Variants in LRRTM3 observed in about 807,000 individuals in gnomAD.
The protein encoded by LRRTM3 is leucine-rich repeat transmembrane neuronal protein 3.
A neutral mutation model predicts 44.7 loss-of-function variants in LRRTM3; 24 were observed. The ratio of observed to expected loss-of-function variants is 0.54; its 90% CI spans 0.39 to 0.76. The LOEUF is 0.76. Among genes scored for constraint, LRRTM3 ranks in the 30% least tolerant of loss-of-function variants. LRRTM3 has a pLI of 0.00. For synonymous variants in LRRTM3, 277 were observed against 278.7 expected, an observed-to-expected ratio of 0.99 and a Z score of 0.06; for missense variants, 587 against 702.2, an observed-to-expected ratio of 0.84 and a Z score of 1.85.
chr10:67,076,567 T>G (rs1201096213), intron 2 of LRRTM3, among the ~76,000 whole-genome samples: 1 of 152,200 alleles, frequency 6.6e-6, no homozygotes, highest in Non-Finnish European at 1.5e-5. Context: ...AGCCTGACTT[T>G]TAAAATCTAA....
At chr10:66,937,553 C>T (rs748991685) in intron 2 of LRRTM3, among the ~76,000 whole-genome samples, 2 of 151,982 alleles carry the variant, frequency 1.3e-5, no homozygotes, top group Admixed American at 6.6e-5. Flanking sequence ...GTGGACTTTC[C>T]GGAAATAGAA....
intron 2 of LRRTM3, among the ~76,000 whole-genome samples, chr10:66,960,912 T>C (rs1169669896): frequency 6.6e-6 from 1 of 152,098 alleles, no homozygotes. Flanking sequence ...ATGGGAATGG[T>C]TCTTAAGTTT....
intron 2 of LRRTM3, among the ~76,000 whole-genome samples, chr10:66,969,581 A>G (rs1443819903): frequency 6.6e-6 from 1 of 152,066 alleles, no homozygotes; most frequent in Middle Eastern, 3.2e-3. Context: ...CCATAACACC[A>G]CACTGTTTTC....
At chr10:66,993,633 A>G (rs1470614717) in intron 2 of LRRTM3, among the ~76,000 whole-genome samples, 1 of 151,826 alleles carries the variant, frequency 6.6e-6, no homozygotes, top group Non-Finnish European at 1.5e-5. Context: ...CTTTCAGATA[A>G]CATTCTTCAA....
intron 2 of LRRTM3, among the ~76,000 whole-genome samples, chr10:67,016,096 A>G (rs1453752530): frequency 1.3e-5 from 2 of 152,070 alleles, no homozygotes; most frequent in Non-Finnish European, 2.9e-5. Context: ...GTTGTGATAT[A>G]CACTTGTGTC....
At chr10:67,008,188 T>G (rs967465442) in intron 2 of LRRTM3, among the ~76,000 whole-genome samples, 2 of 152,086 alleles carry the variant, frequency 1.3e-5, no homozygotes, top group East Asian at 3.9e-4. Context: ...AACTTATGCT[T>G]TAAAAAGTTG....
intron 2 of LRRTM3, among the ~76,000 whole-genome samples, chr10:67,096,753 T>C (rs1451630928): frequency 1.3e-5 from 2 of 151,910 alleles, no homozygotes; most frequent in African/African-American, 4.8e-5. Context: ...GAACTTGCTT[T>C]CTTTAGTTGG....
intron 2 of LRRTM3, among the ~76,000 whole-genome samples, chr10:66,935,715 C>T (rs1242673986): frequency 6.6e-6 from 1 of 150,898 alleles, no homozygotes; most frequent in East Asian, 1.9e-4. Flanking sequence ...TTATTATGTA[C>T]CAGGAATTTG....
intron 2 of LRRTM3, among the ~76,000 whole-genome samples, chr10:66,994,781 A>G (rs886309487): frequency 1.3e-5 from 2 of 152,334 alleles, no homozygotes; most frequent in South Asian, 2.1e-4. Flanking sequence ...TTGTATATCT[A>G]ATAATTATTG....
chr10:67,078,811 C>T (rs565762710), intron 2 of LRRTM3, among the ~76,000 whole-genome samples: 4 of 152,144 alleles, frequency 2.6e-5, no homozygotes, highest in South Asian at 2.1e-4. Flanking sequence ...CCACCGCACC[C>T]GGCCCTCTGA....
At chr10:67,090,159 G>A (rs1441985867) in intron 2 of LRRTM3, among the ~76,000 whole-genome samples, 2 of 152,016 alleles carry the variant, frequency 1.3e-5, no homozygotes, top group African/African-American at 2.4e-5. Context: ...GTATCCAGGA[G>A]TATACTTAAG....
intron 2 of LRRTM3, among the ~76,000 whole-genome samples, chr10:67,015,998 T>C (rs941857031): frequency 2.0e-5 from 3 of 150,364 alleles, no homozygotes; most frequent in Non-Finnish European, 3.0e-5. Flanking sequence ...TGAACTCTTG[T>C]TCTGTTTTCA....
At chr10:66,955,605 T>C (rs573946241) in intron 2 of LRRTM3, among the ~76,000 whole-genome samples, 25 of 152,218 alleles carry the variant, frequency 1.6e-4, no homozygotes, top group Admixed American at 3.3e-4. Flanking sequence ...TCAATAAATG[T>C]TGGATGAATG....
At position 67,078,069 on chromosome 10, in the gene LRRTM3, A is replaced by G. The variant is rs755426571; in HGVS notation, c.1537-19518A>G. Among the ~76,000 whole-genome samples, 8 of 152,326 alleles carry G rather than the reference A, an allele frequency of 5.3e-5. No individual in the cohort carries two copies. In the South Asian group the frequency reaches 1.7e-3, roughly 32 times the overall value. ...GACCACAGACCAGGGTCATACTTGG[A>G]CCAAGTCAATCCCAGTTACCCAAAC... On this transcript the variant is annotated intron_variant, in intron 2 of 2. Coordinates refer to ENST00000361320, the MANE Select transcript of LRRTM3 (RefSeq NM_178011.5).
chr10:66,959,571 G>T (rs568592408), intron 2 of LRRTM3, among the ~76,000 whole-genome samples: 21 of 152,114 alleles, frequency 1.4e-4, no homozygotes, highest in African/African-American at 5.1e-4. Context: ...AACCTCTCTG[G>T]GAAATCTGGA....
chr10:67,047,062 T>C (rs1854800115), intron 2 of LRRTM3, among the ~76,000 whole-genome samples: 1 of 152,222 alleles, frequency 6.6e-6, no homozygotes, highest in African/African-American at 2.4e-5. Context: ...TCTGATTCCT[T>C]GCTTCTGCTT....
intron 2 of LRRTM3, among the ~76,000 whole-genome samples, chr10:67,095,759 A>C (rs1339016308): frequency 1.3e-5 from 2 of 151,856 alleles, no homozygotes; most frequent in African/African-American, 4.8e-5. Context: ...ATAACACATT[A>C]CAGAGCACTG....
chr10:67,082,496 C>T (rs1292267278), intron 2 of LRRTM3, among the ~76,000 whole-genome samples: 1 of 152,138 alleles, frequency 6.6e-6, no homozygotes, highest in Non-Finnish European at 1.5e-5. Flanking sequence ...TACTTAAGGC[C>T]ATAATCTCTA....
At chr10:66,960,431 C>A (rs1487425007) in intron 2 of LRRTM3, among the ~76,000 whole-genome samples, 1 of 152,112 alleles carries the variant, frequency 6.6e-6, no homozygotes, top group Non-Finnish European at 1.5e-5. Flanking sequence ...CAATTTGCCT[C>A]ATTTGAAACC....
Sources: allele counts gnomAD v4.1 joint callset (sites outside exome capture counted in the v4.1 genomes callset), GRCh38; gene constraint gnomAD v4.1.1; transcripts MANE v1.5; gene names NCBI Gene and HGNC (gene_info 2026-07-23, HGNC 2026-07-21).